Variants in MYRIP observed in about 807,000 individuals in gnomAD.
MYRIP encodes the protein rab effector MyRIP.
In MYRIP, 49 loss-of-function variants were observed where a neutral mutation model predicts 98.0. The observed-to-expected ratio is 0.50, with a 90% confidence interval of 0.40 to 0.63. The LOEUF (loss-of-function observed/expected upper bound fraction) is 0.63. Among genes scored for constraint, MYRIP ranks in the 30% least tolerant of loss-of-function variants. The probability of loss-of-function intolerance (pLI) is 0.00; values close to 1 mark genes in which losing one functional copy is unlikely to be tolerated. For synonymous variants in MYRIP, 404 were observed against 409.5 expected (o/e 0.99, Z 0.16); for missense variants, 1,004 against 1,058.2 (o/e 0.95, Z 0.71).
chr3:40,144,774 A>G (rs1156542500), intron 3 of MYRIP, among the ~76,000 whole-genome samples: 2 of 152,242 alleles, frequency 1.3e-5, no homozygotes, highest in East Asian at 1.9e-4. Context: ...AATAAAAATG[A>G]CAGATGCTTC....
intron 2 of MYRIP, among the ~76,000 whole-genome samples, chr3:39,924,265 G>A (rs552370011): frequency 5.1e-4 from 78 of 152,040 alleles, no homozygotes; most frequent in African/African-American, 1.1e-3. Flanking sequence ...GATATAGATA[G>A]GTTGAAAGTA....
At chr3:40,131,521 A>C (rs533525678) in intron 3 of MYRIP, among the ~76,000 whole-genome samples, 9 of 152,288 alleles carry the variant, frequency 5.9e-5, no homozygotes, top group African/African-American at 1.4e-4. Flanking sequence ...TAGAGCTCCC[A>C]TCGTATTCTC....
chr3:40,222,759 T>C (rs1952374224), intron 11 of MYRIP, among the ~76,000 whole-genome samples: 1 of 152,216 alleles, frequency 6.6e-6, no homozygotes, highest in Non-Finnish European at 1.5e-5. Context: ...ATCATGAACA[T>C]TTACCTGATG....
rs560938319 is a variant in MYRIP, at chr3:40,080,631, G to A, written c.332+36360G>A. On this transcript the variant is annotated intron_variant, in intron 3 of 16. Coordinates refer to ENST00000302541, the MANE Select transcript of MYRIP (RefSeq NM_015460.4). ...TTTATAATATCATCTTATTCTCTAAGTGTGTATGCATCTGTCTGCATCTCT... is the reference window on the plus strand; with the variant it reads ...TTTATAATATCATCTTATTCTCTAAATGTGTATGCATCTGTCTGCATCTCT... Among the ~76,000 whole-genome samples, 179 of 151,876 alleles carry A rather than the reference G, an allele frequency of 1.2e-3. 2 individuals are homozygous for A. The South Asian group carries it at 0.035, about 29-fold the overall frequency.
intron 3 of MYRIP, among the ~76,000 whole-genome samples, chr3:40,138,712 T>C (rs1949832948): frequency 6.6e-6 from 1 of 152,216 alleles, no homozygotes; most frequent in Non-Finnish European, 1.5e-5. Context: ...ATGGAGTACA[T>C]AGTGATATTT....
chr3:40,255,523 A>T (rs553193255), intron 16 of MYRIP, among the ~76,000 whole-genome samples: 21 of 152,370 alleles, frequency 1.4e-4, no homozygotes, highest in African/African-American at 5.1e-4. Flanking sequence ...AAACGAAAGA[A>T]CAGACAATAT....
chr3:39,826,349 G>A (rs746710252), intron 1 of MYRIP, among the ~76,000 whole-genome samples: 70 of 151,946 alleles, frequency 4.6e-4, no homozygotes, highest in Non-Finnish European at 8.1e-4. Context: ...CATAGGTTTT[G>A]ATACGTTGTG....
chr3:39,884,241 A>G (rs1349790608), intron 1 of MYRIP, among the ~76,000 whole-genome samples: 3 of 152,074 alleles, frequency 2.0e-5, no homozygotes, highest in African/African-American at 7.2e-5. Context: ...AAGAAATGAG[A>G]GGGAGAGATC....
chr3:39,957,899 A>G (rs1945209432), intron 2 of MYRIP, among the ~76,000 whole-genome samples: 1 of 152,176 alleles, frequency 6.6e-6, no homozygotes, highest in African/African-American at 2.4e-5. Context: ...ACAAACACAG[A>G]GCCAAATCAT....
chr3:39,872,540 A>G (rs955991378), intron 1 of MYRIP, among the ~76,000 whole-genome samples: 1 of 125,842 alleles, frequency 7.9e-6, no homozygotes, highest in African/African-American at 3.1e-5. Flanking sequence ...TCCTGTGTCC[A>G]TGTGTTCTCA....
intron 3 of MYRIP, among the ~76,000 whole-genome samples, chr3:40,115,446 G>A (rs1463215562): frequency 7.2e-5 from 11 of 152,252 alleles, no homozygotes; most frequent in Admixed American, 2.0e-4. Flanking sequence ...CCAAGGAAAT[G>A]CCAGACGCTT....
chr3:39,968,281 G>A (rs140594920), intron 2 of MYRIP, among the ~76,000 whole-genome samples: 1 of 151,848 alleles, frequency 6.6e-6, no homozygotes, highest in East Asian at 1.9e-4. Context: ...CACCTCCTGG[G>A]CATGCCTCAG....
At chr3:39,938,301 A>G (rs1255397701) in intron 2 of MYRIP, among the ~76,000 whole-genome samples, 1 of 152,158 alleles carries the variant, frequency 6.6e-6, no homozygotes, top group Non-Finnish European at 1.5e-5. Context: ...TCATGTTCAA[A>G]AGAGTCACCT....
chr3:40,070,594 G>A (rs1037579079), intron 3 of MYRIP, among the ~76,000 whole-genome samples: 1 of 152,102 alleles, frequency 6.6e-6, no homozygotes, highest in African/African-American at 2.4e-5. Flanking sequence ...TAACAAATCA[G>A]CGATGGCATT....
intron 11 of MYRIP, among the ~76,000 whole-genome samples, chr3:40,224,147 G>A (rs778139838): frequency 3.3e-5 from 5 of 152,128 alleles, no homozygotes; most frequent in Non-Finnish European, 7.4e-5. Flanking sequence ...AGCCAGGTGG[G>A]CCATGCAGAA....
intron 11 of MYRIP, among the ~76,000 whole-genome samples, chr3:40,231,089 T>C (rs1330736703): frequency 6.6e-6 from 1 of 152,190 alleles, no homozygotes; most frequent in Non-Finnish European, 1.5e-5. Context: ...CCTCCCAAAG[T>C]GCTGGGATTA....
intron 1 of MYRIP, among the ~76,000 whole-genome samples, chr3:39,879,219 T>C (rs958817997): frequency 6.6e-6 from 1 of 151,966 alleles, no homozygotes; most frequent in African/African-American, 2.4e-5. Flanking sequence ...TTTCTTATTC[T>C]AACTTGAGAG....
chr3:39,886,284 C>G (rs973006627), intron 1 of MYRIP, among the ~76,000 whole-genome samples: 1 of 151,190 alleles, frequency 6.6e-6, no homozygotes, highest in Non-Finnish European at 1.5e-5. Context: ...CATCAACTAA[C>G]GAGCAAACTA....
intron 4 of MYRIP, among the ~76,000 whole-genome samples, chr3:40,156,837 T>C (rs1950253894): frequency 1.3e-5 from 2 of 152,164 alleles, no homozygotes; most frequent in African/African-American, 2.4e-5. Context: ...TTTTGTACAT[T>C]GATTTTGTAT....
Sources: allele counts gnomAD v4.1 joint callset (sites outside exome capture counted in the v4.1 genomes callset), GRCh38; gene constraint gnomAD v4.1.1; transcripts MANE v1.5; gene names NCBI Gene and HGNC (gene_info 2026-07-23, HGNC 2026-07-21).